The following CPNE4 variants were observed in gnomAD, a reference collection of about 807,000 sequenced individuals.
The protein encoded by CPNE4 is copine-4.
In CPNE4, 25 loss-of-function variants were observed where a neutral mutation model predicts 67.9. The observed-to-expected ratio is 0.37, with a 90% CI of 0.27 to 0.51. CPNE4 has a LOEUF of 0.51. CPNE4 is among the 20% of genes least tolerant of loss of function. CPNE4 has a pLI of 0.93. For synonymous variants in CPNE4, 242 were observed against 244.9 expected, an observed-to-expected ratio of 0.99 and a Z score of 0.11; for missense variants, 464 against 690.8, an observed-to-expected ratio of 0.67 and a Z score of 3.68.
chr3:131,947,905 T>C (rs2071604010), intron 1 of CPNE4, among the ~76,000 whole-genome samples: 1 of 152,172 alleles, frequency 6.6e-6, no homozygotes, highest in Non-Finnish European at 1.5e-5. Flanking sequence ...TGATCAGTTT[T>C]CTTATGTCTG....
At chr3:132,023,131 G>A (rs373594172) in intron 1 of CPNE4, among the ~76,000 whole-genome samples, 4 of 152,248 alleles carry the variant, frequency 2.6e-5, no homozygotes, top group Admixed American at 2.0e-4. Flanking sequence ...AGGGGAAAGG[G>A]CTGTATTTCA....
intron 11 of CPNE4, among the ~76,000 whole-genome samples, chr3:131,557,163 G>T (rs2107653707): frequency 6.6e-6 from 1 of 152,210 alleles, no homozygotes; most frequent in East Asian, 1.9e-4. Context: ...TCGAATAGTT[G>T]TGCTGTCGGG....
chr3:131,965,192 C>G (rs992389148), intron 1 of CPNE4, among the ~76,000 whole-genome samples: 1 of 152,172 alleles, frequency 6.6e-6, no homozygotes, highest in Non-Finnish European at 1.5e-5. Flanking sequence ...TTTGTCACCA[C>G]CAGGCCTGCC....
At chr3:131,674,020 T>C (rs1340151387) in intron 6 of CPNE4, among the ~76,000 whole-genome samples, 1 of 151,946 alleles carries the variant, frequency 6.6e-6, no homozygotes, top group African/African-American at 2.4e-5. Flanking sequence ...TTTTTTATCA[T>C]GAAGGGATGT....
intron 1 of CPNE4, among the ~76,000 whole-genome samples, chr3:131,909,168 T>A (rs949671743): frequency 5.3e-5 from 8 of 152,168 alleles, no homozygotes; most frequent in Non-Finnish European, 8.8e-5. Flanking sequence ...TGTGGATTCA[T>A]ACACATGAGC....
intron 2 of CPNE4, among the ~76,000 whole-genome samples, chr3:131,831,420 C>T (rs943250247): frequency 6.6e-6 from 1 of 152,030 alleles, no homozygotes; most frequent in African/African-American, 2.4e-5. Context: ...TATATCTAAA[C>T]ACTGGAGCTT....
intron 1 of CPNE4, among the ~76,000 whole-genome samples, chr3:131,946,876 T>C (rs934905419): frequency 6.6e-6 from 1 of 152,198 alleles, no homozygotes; most frequent in African/African-American, 2.4e-5. Flanking sequence ...TTAATTTTTA[T>C]ATATAGTGTT....
In CPNE4 at chr3:131,565,413, T is replaced by C. The variant is rs2653792; in HGVS notation, c.928-1064A>G. Among the ~76,000 whole-genome samples the C allele has an allele frequency of 2.6e-5, 4 of 152,172 alleles. No individual in the cohort carries two copies. The East Asian group carries it at 7.8e-4, about 30-fold the overall frequency. On this transcript the variant is annotated intron_variant, in intron 10 of 15. Coordinates refer to ENST00000429747, the MANE Select transcript of CPNE4 (RefSeq NM_130808.3). ...ATGGGAAATGTTATTTGTGTTATAT[T>C]TGGTAAATTTCATTACAACAAATAA...
At chr3:131,799,915 TGTGTTGTGTGTG>T (rs1560339082) in intron 2 of CPNE4, among the ~76,000 whole-genome samples, 2 of 60,906 alleles carry the variant, frequency 3.3e-5, no homozygotes, top group Non-Finnish European at 6.2e-5. Flanking sequence ...TGTGTGTGTG[TGTGTTGTGTGTG>T]TGTGTGTGTG....
At chr3:131,984,389 G>T (rs2072991315) in intron 1 of CPNE4, among the ~76,000 whole-genome samples, 1 of 152,208 alleles carries the variant, frequency 6.6e-6, no homozygotes, top group South Asian at 2.1e-4. Context: ...AGCAGTGCTT[G>T]TGCATACAGA....
At chr3:131,717,614 G>A (rs552511014) in intron 3 of CPNE4, among the ~76,000 whole-genome samples, 1 of 152,062 alleles carries the variant, frequency 6.6e-6, no homozygotes, top group African/African-American at 2.4e-5. Flanking sequence ...CAGCCAAATC[G>A]CTCCCCCAGT....
chr3:131,555,787 T>A (rs1196370082), intron 11 of CPNE4, among the ~76,000 whole-genome samples: 1 of 152,000 alleles, frequency 6.6e-6, no homozygotes, highest in Non-Finnish European at 1.5e-5. Context: ...CTCCCTTAAT[T>A]TTTTTGCTAG....
intron 7 of CPNE4, among the ~76,000 whole-genome samples, chr3:131,603,811 A>G (rs1482862600): frequency 1.3e-5 from 2 of 152,152 alleles, no homozygotes; most frequent in Non-Finnish European, 2.9e-5. Flanking sequence ...TTACAAAAAC[A>G]ATTGTTCTGC....
chr3:131,552,064 GAAAA>G (rs5852631), intron 13 of CPNE4, among the ~76,000 whole-genome samples: 29 of 124,790 alleles, frequency 2.3e-4, no homozygotes, highest in South Asian at 8.1e-4. Context: ...ATGAAGTTGT[GAAAA>G]AAAAAAAAAA....
intron 1 of CPNE4, among the ~76,000 whole-genome samples, chr3:131,941,583 C>A (rs1352999734): frequency 1.3e-5 from 2 of 151,846 alleles, no homozygotes; most frequent in East Asian, 3.9e-4. Flanking sequence ...AAAAATCATG[C>A]CATGCAGCAC....
chr3:131,747,272 T>C (rs2082515031), intron 2 of CPNE4, among the ~76,000 whole-genome samples: 1 of 152,088 alleles, frequency 6.6e-6, no homozygotes, highest in African/African-American at 2.4e-5. Context: ...GTGCAGAAGC[T>C]TTTTAGTTTG....
intron 2 of CPNE4, among the ~76,000 whole-genome samples, chr3:131,746,062 A>G: frequency 6.6e-6 from 1 of 152,036 alleles, no homozygotes; most frequent in East Asian, 1.9e-4. Context: ...TCTTTCATTC[A>G]CATTATGTAG....
intron 3 of CPNE4, among the ~76,000 whole-genome samples, chr3:131,700,192 A>T (rs969932219): frequency 2.7e-5 from 4 of 150,642 alleles, no homozygotes; most frequent in African/African-American, 9.8e-5. Flanking sequence ...GATATGAGAG[A>T]GTTAGTGAGT....
At chr3:131,941,221 TA>T in intron 1 of CPNE4, among the ~76,000 whole-genome samples, 1 of 152,162 alleles carries the variant, frequency 6.6e-6, no homozygotes, top group Non-Finnish European at 1.5e-5. Flanking sequence ...CTATAAAAGC[TA>T]AAAATTATAT....
Sources: gnomAD v4.1 joint callset for allele counts (sites outside exome capture counted in the v4.1 genomes callset) on GRCh38, gnomAD v4.1.1 for gene constraint, MANE v1.5 for transcripts, NCBI Gene and HGNC (gene_info 2026-07-23, HGNC 2026-07-21) for gene names.